The following ABRAXAS2 variants were observed in gnomAD, a reference collection of about 807,000 sequenced individuals.
The protein encoded by ABRAXAS2 is BRISC complex subunit Abraxas 2.
Under a neutral mutation model 49.0 loss-of-function variants are expected in ABRAXAS2, and 23 were observed. The ratio of observed to expected loss-of-function variants is 0.47; its 90% CI spans 0.34 to 0.66. ABRAXAS2 has a LOEUF of 0.66. Ranked by LOEUF, ABRAXAS2 falls within the 30% of genes least tolerant of loss-of-function variation. The probability of loss-of-function intolerance (pLI) is 0.01; values close to 1 mark genes in which losing one functional copy is unlikely to be tolerated. For missense variants in ABRAXAS2, 443 were observed against 511.9 expected (o/e 0.87, Z 1.30); for synonymous variants, 168 against 180.2 (o/e 0.93, Z 0.54).
chr10:124,829,240 T>C (rs1275344576), intron 6 of ABRAXAS2, among the ~76,000 whole-genome samples, 153 bp from the exon 7 acceptor site: 1 of 152,218 alleles, frequency 6.6e-6, no homozygotes, highest in African/African-American at 2.4e-5. Flanking sequence ...ATTTCTCTTC[T>C]GTAATTCTTG....
chr10:124,832,888 G>A (rs961633905), intron 8 of ABRAXAS2, among the ~76,000 whole-genome samples: 2 of 150,752 alleles, frequency 1.3e-5, no homozygotes, highest in Non-Finnish European at 3.0e-5. Flanking sequence ...TGGCTCACAC[G>A]TGTAATCCCA....
At chr10:124,809,990 T>G (rs1036233628) in intron 2 of ABRAXAS2, among the ~76,000 whole-genome samples, 2 of 152,156 alleles carry the variant, frequency 1.3e-5, no homozygotes, top group Non-Finnish European at 2.9e-5. Flanking sequence ...CGACCTCAGG[T>G]GATCCGCCCA....
chr10:124,817,634 G>A (rs781741595), intron 3 of ABRAXAS2, among the ~76,000 whole-genome samples: 6 of 151,952 alleles, frequency 3.9e-5, no homozygotes, highest in East Asian at 1.9e-4. Context: ...TCTGCTTGCC[G>A]CTTCCTGCTG....
intron 3 of ABRAXAS2, among the ~76,000 whole-genome samples, chr10:124,818,264 T>C (rs1950837837): frequency 6.6e-6 from 1 of 151,568 alleles, no homozygotes; most frequent in Non-Finnish European, 1.5e-5. Flanking sequence ...GGTACGGTGG[T>C]GGGTGCCTGT....
chr10:124,805,142 GC>G lies in ABRAXAS2; in HGVS notation c.73-1688del, dbSNP rs1215082195. ...TTGTCAGGAGATCGAGACCATCCTG[GC>G]TAACAAGGTGAAACCCCGTCTCTAC... On this transcript the variant is annotated intron_variant, in intron 1 of 8. Transcript: ENST00000298492. Among the ~76,000 whole-genome samples, 6 of 152,056 alleles carry G rather than the reference GC, an allele frequency of 3.9e-5. No individual in the cohort carries two copies. The East Asian group carries it at 1.2e-3, about 30-fold the overall frequency.
At chr10:124,811,732 C>T (rs192298470) in intron 2 of ABRAXAS2, among the ~76,000 whole-genome samples, 5 of 151,764 alleles carry the variant, frequency 3.3e-5, no homozygotes, top group Admixed American at 2.0e-4. Context: ...AGCTAGACTC[C>T]GTCTCAAAAA....
chr10:124,832,668 T>C (rs1440138931), intron 8 of ABRAXAS2, among the ~76,000 whole-genome samples: 1 of 151,538 alleles, frequency 6.6e-6, no homozygotes, highest in Non-Finnish European at 1.5e-5. Context: ...AAAGTGGTGA[T>C]ACCTCGTCTG....
rs756214084 is a variant in ABRAXAS2 at position 124,834,070 on chromosome 10, C to T, written c.779-432C>T. Among the ~76,000 whole-genome samples the T allele has an allele frequency of 5.5e-4, 83 of 152,186 alleles. 2 individuals are homozygous for T. Among genetic ancestry groups the T allele is most frequent in the Non-Finnish European group, 1.2e-4 (8 of 67,988 alleles). Reference sequence around the variant, plus strand: ...AAGAAAGAATCTCACATTTCCATTCCGTGTACAGGATGTTTCCATTTCAAC... The same window carrying T: ...AAGAAAGAATCTCACATTTCCATTCTGTGTACAGGATGTTTCCATTTCAAC... On this transcript the variant is annotated intron_variant, in intron 8 of 8. Transcript: ENST00000298492.
At chr10:124,802,037 G>A in intron 1 of ABRAXAS2, 136 bp downstream of exon 1, 1 of 799,298 alleles carries the variant, frequency 1.3e-6, no homozygotes. Context: ...GGTGACCCGG[G>A]CGGCTCCCGC....
chr10:124,808,396 T>G (rs1415044349), intron 2 of ABRAXAS2, among the ~76,000 whole-genome samples: 1 of 152,138 alleles, frequency 6.6e-6, no homozygotes, highest in Non-Finnish European at 1.5e-5. Context: ...CAGGACGGTC[T>G]TGATCTCCTG....
intron 2 of ABRAXAS2, among the ~76,000 whole-genome samples, chr10:124,808,807 T>C (rs1481860365): frequency 6.6e-6 from 1 of 152,132 alleles, no homozygotes; most frequent in Non-Finnish European, 1.5e-5. Flanking sequence ...AAATACAGAA[T>C]ATGTGGAGAT....
chr10:124,802,089 G>T (rs1950708760), intron 1 of ABRAXAS2, among the ~76,000 whole-genome samples, 188 bp downstream of exon 1: 2 of 152,166 alleles, frequency 1.3e-5, no homozygotes, highest in South Asian at 4.1e-4. Flanking sequence ...TCGCCCCTGG[G>T]ACAGGCCCCC....
chr10:124,833,571 TCAGCAAGGATTAGTGACTTCTGTAACA>T (rs1190031933), intron 8 of ABRAXAS2, among the ~76,000 whole-genome samples: 4 of 152,194 alleles, frequency 2.6e-5, no homozygotes, highest in African/African-American at 9.6e-5. Flanking sequence ...AAACTGGAGT[TCAGCAAGGATTAGTGACTTCTGTAACA>T]CAGCAAGGAA....
Position 124,836,165 on chromosome 10 carries a change from C to G in ABRAXAS2, c.*1194C>G, listed in dbSNP as rs1423142230. 6.6e-6 allele frequency: 1 copy of G among 152,578 alleles called. No homozygotes were observed. Among genetic ancestry groups the G allele is most frequent in the Middle Eastern group, 3.2e-3 (1 of 316 alleles). 9.5% of individuals were successfully genotyped at this position (152,578 alleles called of 1,614,324 possible). On this transcript the variant is annotated 3_prime_UTR_variant, in exon 9 of 9. Transcript: ENST00000298492. ...GACAAGGACAGCCATGAGGTTAATA[C>G]TTGGAGTTTAACTGCCTTCCCTTTG...
intron 1 of ABRAXAS2, among the ~76,000 whole-genome samples, chr10:124,804,142 ATCT>A (rs1157021310): frequency 6.6e-6 from 1 of 152,096 alleles, no homozygotes; most frequent in Non-Finnish European, 1.5e-5. Context: ...GCCTTAAGCG[ATCT>A]TCCGTTTTTG....
chr10:124,805,845 C>T (rs1950738873), intron 1 of ABRAXAS2, among the ~76,000 whole-genome samples: 1 of 152,078 alleles, frequency 6.6e-6, no homozygotes, highest in African/African-American at 2.4e-5. Flanking sequence ...TCAGTTCAAC[C>T]CTCTGTATAG....
In ABRAXAS2 at chr10:124,835,294, A is replaced by G. The variant is rs1950962789; in HGVS notation, c.*323A>G. 1 of 198,756 alleles carries G rather than the reference A, an allele frequency of 5.0e-6. No homozygotes were observed. The highest frequency in any genetic ancestry group is 1.0e-5 in the Non-Finnish European group (1 of 97,984). The allele number at this position is 198,756 out of a possible 1,614,324, so 12.3% of individuals were successfully genotyped here. On this transcript the variant is annotated 3_prime_UTR_variant, in exon 9 of 9. Transcript: ENST00000298492. The stretch of plus-strand genomic sequence containing the variant: ...TAAAATAAATTGGAAATTAGAGACT[A>G]AGCACAATTAGTCTATAAATGTTCT...
At chr10:124,802,989 T>C (rs1950716421) in intron 1 of ABRAXAS2, among the ~76,000 whole-genome samples, 1 of 152,328 alleles carries the variant, frequency 6.6e-6, no homozygotes, top group Non-Finnish European at 1.5e-5. Context: ...GGAATAGGAA[T>C]ATATACATCA....
At chr10:124,828,695 G>T in intron 5 of ABRAXAS2, 61 bp from the exon 6 acceptor site, 1 of 1,494,230 alleles carries the variant, frequency 6.7e-7, no homozygotes, top group Admixed American at 1.9e-5. Context: ...TAGACTGTCA[G>T]TCTCACTTGA....
Sources: allele counts gnomAD v4.1 joint callset (sites outside exome capture counted in the v4.1 genomes callset), GRCh38; gene constraint gnomAD v4.1.1; transcripts MANE v1.5; gene names NCBI Gene and HGNC (gene_info 2026-07-23, HGNC 2026-07-21).